C2CD5: variants seen among roughly 807,000 people sequenced by gnomAD.
C2CD5 encodes the protein C2 domain-containing protein 5.
In C2CD5, 109 loss-of-function variants were observed where a neutral mutation model predicts 130.3. The observed-to-expected ratio is 0.84, with a 90% CI of 0.72 to 0.98. The LOEUF is 0.98. C2CD5 is among the 50% of genes least tolerant of loss of function. The probability of loss-of-function intolerance (pLI) is 0.00; values close to 1 mark genes in which losing one functional copy is unlikely to be tolerated. For missense variants in C2CD5, 996 were observed against 1,261.8 expected, an observed-to-expected ratio of 0.79 and a Z score of 3.19; for synonymous variants, 454 against 429.2, an observed-to-expected ratio of 1.06 and a Z score of -0.71.
intron 10 of C2CD5, chr12:22,497,695 G>A (rs1947201747): frequency 1.3e-5 from 4 of 313,884 alleles, no homozygotes; most frequent in Non-Finnish European, 1.8e-5. Context: ...GTGGGGATCA[G>A]TAGACTAGGA....
At chr12:22,538,492 G>C (rs913859941) in intron 2 of C2CD5, among the ~76,000 whole-genome samples, 21 of 152,178 alleles carry the variant, frequency 1.4e-4, no homozygotes, top group African/African-American at 5.1e-4. Flanking sequence ...GTCTTACCCA[G>C]AGGAGTATTT....
chr12:22,513,800 T>C (rs191300452), intron 8 of C2CD5, among the ~76,000 whole-genome samples: 48 of 152,224 alleles, frequency 3.2e-4, no homozygotes, highest in African/African-American at 1.1e-3. Flanking sequence ...AAAGCACTAC[T>C]TGTGCTCACT....
chr12:22,470,752 T>A, intron 21 of C2CD5, 72 bp downstream of exon 21: 1 of 869,202 alleles, frequency 1.2e-6, no homozygotes, highest in Non-Finnish European at 1.9e-6. Flanking sequence ...AATCCACCTG[T>A]CCTGTATATT....
intron 2 of C2CD5, among the ~76,000 whole-genome samples, 177 bp downstream of exon 2, chr12:22,543,884 G>A (rs1952665134): frequency 6.6e-6 from 1 of 152,132 alleles, no homozygotes. Context: ...TGCAAGCCGT[G>A]CACCCATCGC....
chr12:22,472,710 C>T (rs773339116), intron 17 of C2CD5, 34 bp downstream of exon 17: 1 of 1,148,212 alleles, frequency 8.7e-7, no homozygotes, highest in Non-Finnish European at 1.3e-6. Context: ...ATATGTAAAA[C>T]TAGTTTCATC....
chr12:22,507,531 A>C (rs16925059), intron 9 of C2CD5, among the ~76,000 whole-genome samples: 3,225 of 152,358 alleles, frequency 0.021, 104 homozygotes, highest in African/African-American at 0.073. Flanking sequence ...TTAAAGAATA[A>C]AATTCATCAA....
At chr12:22,453,769 A>T in intron 26 of C2CD5, 127 bp downstream of exon 26, 1 of 759,186 alleles carries the variant, frequency 1.3e-6, no homozygotes, top group East Asian at 2.5e-5. Flanking sequence ...AACTCATTAA[A>T]ATATCTTACG....
At chr12:22,505,112 C>T (rs1342135467) in intron 10 of C2CD5, among the ~76,000 whole-genome samples, 1 of 152,076 alleles carries the variant, frequency 6.6e-6, no homozygotes, top group Admixed American at 6.6e-5. Context: ...CTGAAATAAA[C>T]TCAAATGACA....
chr12:22,510,390 A>T (rs1168283789), intron 9 of C2CD5, among the ~76,000 whole-genome samples: 1 of 152,232 alleles, frequency 6.6e-6, no homozygotes, highest in East Asian at 1.9e-4. Context: ...AGCCAAGGGC[A>T]GGCAGCATAA....
chr12:22,527,890 C>A lies in C2CD5; in HGVS notation c.180G>T (p.Val60=). The A allele has an allele frequency of 6.3e-7, 1 of 1,596,336 alleles. No individual in the cohort carries two copies. Among genetic ancestry groups the A allele is most frequent in the Admixed American group, 1.7e-5 (1 of 58,404 alleles). The change falls in exon 4 of 27, where the codon GTG becomes GTT. Residue 60 remains valine, a splice_region_variant and synonymous_variant. Transcript: ENST00000446597. ...QWNSEWFKFE[V]DDEDLQDEPL... is the part of the protein sequence containing the mutation. Reference sequence around the variant, plus strand: ...GTTCATCTTGTAAGTCTTCATCATCCACCTACAAGTATACCTTAAAATTAA... The same window carrying A: ...GTTCATCTTGTAAGTCTTCATCATCAACCTACAAGTATACCTTAAAATTAA...
intron 11 of C2CD5, among the ~76,000 whole-genome samples, chr12:22,491,797 G>A (rs933249667): frequency 3.3e-5 from 5 of 151,964 alleles, no homozygotes; most frequent in Admixed American, 1.3e-4. Context: ...ACTTGAACCC[G>A]GGAGGTGGAG....
At chr12:22,507,153 G>T (rs1015856871) in intron 9 of C2CD5, among the ~76,000 whole-genome samples, 2 of 150,848 alleles carry the variant, frequency 1.3e-5, no homozygotes, top group Admixed American at 6.6e-5. Context: ...ATGAGATGAG[G>T]GAACTGCCCT....
chr12:22,486,825 C>A (rs1404104120), intron 12 of C2CD5, among the ~76,000 whole-genome samples: 1 of 152,054 alleles, frequency 6.6e-6, no homozygotes, highest in South Asian at 2.1e-4. Context: ...CCTTAAACTG[C>A]AGAATTAACT....
At chr12:22,487,971 A>C (rs2136389205) in intron 12 of C2CD5, among the ~76,000 whole-genome samples, 1 of 149,246 alleles carries the variant, frequency 6.7e-6, no homozygotes, top group East Asian at 2.0e-4. Flanking sequence ...CAAACACTGC[A>C]CGTTCTCACT....
chr12:22,511,676 A>C (rs1159123013), intron 9 of C2CD5, among the ~76,000 whole-genome samples: 1 of 152,240 alleles, frequency 6.6e-6, no homozygotes, highest in Non-Finnish European at 1.5e-5. Context: ...AATTTTATCC[A>C]AACTAATTCA....
chr12:22,501,291 T>G (rs1286763604), intron 10 of C2CD5, among the ~76,000 whole-genome samples: 2 of 152,178 alleles, frequency 1.3e-5, no homozygotes, highest in Non-Finnish European at 2.9e-5. Flanking sequence ...ACCATGTTTT[T>G]CTTTGCCAAA....
intron 1 of C2CD5, 22 bp downstream of exon 1, chr12:22,544,298 C>G (rs1247254973): frequency 1.7e-6 from 1 of 586,962 alleles, no homozygotes; most frequent in South Asian, 2.3e-5. Context: ...GCCCGGCAGT[C>G]GCGCCACGGG....
In C2CD5 at chr12:22,512,738, T is replaced by C. The variant is rs147369082; in HGVS notation, c.1038+556A>G. The stretch of plus-strand genomic sequence containing the variant: ...AGAGAGAGAGAAATCATCCAAAAAC[T>C]GTAACTGCTTATTTTCCCAATGAAC... On this transcript the variant is annotated intron_variant, in intron 9 of 26. Coordinates refer to ENST00000446597, the MANE Select transcript of C2CD5 (RefSeq NM_001286176.2). The C allele has an allele frequency of 1.5e-4, 184 of 1,224,128 alleles. 1 individual carries two copies. The African/African-American group carries it at 2.3e-3, about 15-fold the overall frequency. 75.8% of individuals were successfully genotyped at this position (1,224,128 alleles called of 1,614,324 possible).
In C2CD5 at chr12:22,524,596, C is replaced by G; in HGVS notation, c.477G>C (p.Val159=). 1 of 1,613,286 alleles carries G rather than the reference C, an allele frequency of 6.2e-7. No individual in the cohort carries two copies. The highest frequency in any genetic ancestry group is 8.5e-7 in the Non-Finnish European group (1 of 1,179,312). ...TTSIPKCYRA[V]IIHGFVEELV... ...GTTCTTCTACAAATCCATGAATTAT[C>G]ACAGCTCTATAGCATTTTGGAATAG... The change falls in exon 6 of 27, where the codon GTG becomes GTC. Residue 159 remains valine (V), a synonymous_variant. Transcript: ENST00000446597.
Sources: gnomAD v4.1 joint callset for allele counts (sites outside exome capture counted in the v4.1 genomes callset) on GRCh38, gnomAD v4.1.1 for gene constraint, MANE v1.5 for transcripts, NCBI Gene and HGNC (gene_info 2026-07-23, HGNC 2026-07-21) for gene names.